The following SMG9 variants were observed in gnomAD, a reference collection of about 807,000 sequenced individuals.
The protein encoded by SMG9 is nonsense-mediated mRNA decay factor SMG9.
SMG9 carries 55 observed loss-of-function variants against 64.0 expected under a neutral mutation model. The observed-to-expected ratio is 0.86, with a 90% CI of 0.69 to 1.08. SMG9 has a LOEUF of 1.08. Ranked by LOEUF, SMG9 falls within the 50% of genes least tolerant of loss-of-function variation. SMG9 has a pLI of 0.00. For synonymous variants in SMG9, 244 were observed against 254.8 expected, an observed-to-expected ratio of 0.96 and a Z score of 0.41; for missense variants, 554 against 681.3, an observed-to-expected ratio of 0.81 and a Z score of 2.08.
intron 1 of SMG9, among the ~76,000 whole-genome samples, chr19:43,751,883 G>A (rs908059056): frequency 2.0e-5 from 3 of 152,208 alleles, no homozygotes; most frequent in African/African-American, 7.2e-5. Context: ...TCTCTTACTT[G>A]CAGCCAAAAC....
chr19:43,754,045 G>A (rs1328986249), intron 1 of SMG9, among the ~76,000 whole-genome samples: 2 of 152,096 alleles, frequency 1.3e-5, no homozygotes, highest in South Asian at 2.1e-4. Flanking sequence ...TGGACTTCTA[G>A]GGTGACTTCC....
intron 10 of SMG9, 68 bp downstream of exon 10, chr19:43,734,321 G>T: frequency 8.0e-7 from 1 of 1,250,594 alleles, no homozygotes; most frequent in Non-Finnish European, 1.1e-6. Context: ...CTTCTCCAGC[G>T]TGCTCCTGAC....
At chr19:43,748,309 G>A (rs149862469) in intron 2 of SMG9, among the ~76,000 whole-genome samples, 1 of 152,250 alleles carries the variant, frequency 6.6e-6, no homozygotes, top group African/African-American at 2.4e-5. Context: ...CTGCTCAGCT[G>A]CCTCTGCGAG....
chr19:43,744,685 A>C (rs559966927), intron 6 of SMG9, 87 bp downstream of exon 6: 3 of 893,914 alleles, frequency 3.4e-6, no homozygotes, highest in African/African-American at 3.4e-5. Context: ...TCCTTTGGTA[A>C]CACCACTTGA....
At chr19:43,740,348 G>T in intron 6 of SMG9, 130 bp from the exon 7 acceptor site, 1 of 716,532 alleles carries the variant, frequency 1.4e-6, no homozygotes, top group African/African-American at 1.8e-5. Flanking sequence ...TTTCATCTGT[G>T]GCCCATGTCA....
At position 43,731,584 on chromosome 19, in the gene SMG9, C is replaced by T. The variant is rs1968486286; in HGVS notation, c.*12G>A. On this transcript the variant is annotated 3_prime_UTR_variant, in exon 14 of 14. Coordinates refer to ENST00000270066, the MANE Select transcript of SMG9 (RefSeq NM_019108.4). ...CCAGGAGGTCCCCTGCATGACATTC[C>T]TCTCCTTGGCCTCAGGCCAGCAGGC... 1 of 1,614,220 alleles carries T rather than the reference C, an allele frequency of 6.2e-7. No homozygotes were observed. Among genetic ancestry groups the T allele is most frequent in the Non-Finnish European group, 8.5e-7 (1 of 1,180,028 alleles).
chr19:43,728,898 AATG>A lies in SMG9; in HGVS notation c.*2695_*2697del, dbSNP rs1968384435. The A allele has an allele frequency of 2.7e-6, 2 of 740,566 alleles. No individual in the cohort carries two copies. Among genetic ancestry groups the A allele is most frequent in the African/African-American group, 1.9e-5 (1 of 52,558 alleles). The allele number at this position is 740,566 out of a possible 1,614,324, so 45.9% of individuals were successfully genotyped here. On this transcript the variant is annotated 3_prime_UTR_variant, in exon 14 of 14. Transcript: ENST00000270066. ...AAAAGCGTGAGTTCCACCTGCTGGG[AATG>A]ATGAAGGGACTGGAGAGCCACAAGC...
Position 43,740,034 on chromosome 19 carries a change from G to A in SMG9, c.813+73C>T, listed in dbSNP as rs1308883869. On this transcript the variant is annotated intron_variant, in intron 7 of 13. Transcript: ENST00000270066. ...CACATGGAATCCACGCAGGGTTCTG[G>A]CTTAATCACATTCCAGGAAGAGGCT... 2.8e-6 allele frequency: 3 copies of A among 1,084,048 alleles called. No individual in the cohort carries two copies. In the Admixed American group the frequency reaches 5.1e-5, roughly 18 times the overall value. The allele number at this position is 1,084,048 out of a possible 1,614,324, so 67.2% of individuals were successfully genotyped here. A position where few individuals can be genotyped will look rare whatever the true frequency, so the allele number is the denominator to read the frequency against.
At chr19:43,753,424 T>G (rs559889096) in intron 1 of SMG9, among the ~76,000 whole-genome samples, 10 of 152,060 alleles carry the variant, frequency 6.6e-5, no homozygotes, top group Admixed American at 3.3e-4. Flanking sequence ...TGCCCTTTCC[T>G]GTGCAAAGTA....
chr19:43,733,519 A>G, intron 11 of SMG9, 67 bp from the exon 12 acceptor site: 1 of 1,610,784 alleles, frequency 6.2e-7, no homozygotes, highest in Non-Finnish European at 8.5e-7. Flanking sequence ...AATTGTTGAC[A>G]GTCAAAGCAG....
At chr19:43,746,750 T>G in intron 5 of SMG9, among the ~76,000 whole-genome samples, 1 of 137,484 alleles carries the variant, frequency 7.3e-6, no homozygotes, top group Non-Finnish European at 1.6e-5. Flanking sequence ...GGTGGTGGGA[T>G]GGATGGGGGT....
Position 43,731,167 on chromosome 19 carries a change from T to A in SMG9, c.*429A>T. On this transcript the variant is annotated 3_prime_UTR_variant, in exon 14 of 14. Transcript: ENST00000270066. ...ATAAGAACAGGCTTGCATGACTGTG[T>A]TTATTTGAACCACCAGATCTGTTCC... 7 of 995,252 alleles carry A rather than the reference T, an allele frequency of 7.0e-6. No individual in the cohort carries two copies. The highest frequency in any genetic ancestry group is 8.4e-6 in the Non-Finnish European group (7 of 836,376). 61.7% of individuals were successfully genotyped at this position (995,252 alleles called of 1,614,324 possible). A position where few individuals can be genotyped will look rare whatever the true frequency, so the allele number is the denominator to read the frequency against.
At chr19:43,750,062 T>C (rs1599659870) in intron 2 of SMG9, 1 of 480,650 alleles carries the variant, frequency 2.1e-6, no homozygotes, top group East Asian at 5.7e-5. Flanking sequence ...TAACAGTTGT[T>C]GTTATTATGA....
chr19:43,744,737 A>T, intron 6 of SMG9, 35 bp downstream of exon 6: 1 of 1,519,552 alleles, frequency 6.6e-7, no homozygotes, highest in Non-Finnish European at 9.0e-7. Flanking sequence ...GTGGGTGCCC[A>T]CCTCCCTCCT....
In SMG9 at chr19:43,731,694, C is replaced by A; in HGVS notation, c.1485-20G>T. 1 of 1,614,172 alleles carries A rather than the reference C, an allele frequency of 6.2e-7. No homozygotes were observed. Among genetic ancestry groups the A allele is most frequent in the Non-Finnish European group, 8.5e-7 (1 of 1,180,016 alleles). On this transcript the variant is annotated intron_variant, in intron 13 of 13. Coordinates refer to ENST00000270066, the MANE Select transcript of SMG9 (RefSeq NM_019108.4). ...TGGAACCTGTGAGGAGGCCAACAGT[C>A]AGGGCTGCCTGGCCGGGGCTCCCCC... is the stretch of plus-strand genomic sequence containing the variant.
Position 43,754,724 on chromosome 19 carries a change from GGGA to G in SMG9, c.-80_-78del, listed in dbSNP as rs1869411841. 6.6e-6 allele frequency: 1 copy of G among 152,184 alleles called. No homozygotes were observed. The highest frequency in any genetic ancestry group is 2.1e-4 in the South Asian group (1 of 4,832). The allele number at this position is 152,184 out of a possible 1,614,324, so 9.4% of individuals were successfully genotyped here. ...CCGTGACGGGAGTCGGGTGGGGGCGGGGAGGCTGACCCAAGCCACCCGCCTGCA... is the reference window on the plus strand; with the variant it reads ...CCGTGACGGGAGTCGGGTGGGGGCGGGGCTGACCCAAGCCACCCGCCTGCA... On this transcript the variant is annotated 5_prime_UTR_variant, in exon 1 of 14. Transcript: ENST00000270066.
intron 6 of SMG9, among the ~76,000 whole-genome samples, chr19:43,743,837 G>C (rs1437129146): frequency 6.6e-6 from 1 of 152,072 alleles, no homozygotes; most frequent in African/African-American, 2.4e-5. Flanking sequence ...TACTGTTAAG[G>C]GATTAATGGA....
At position 43,731,643 on chromosome 19, in the gene SMG9, C is replaced by T. The variant is rs1486493358; in HGVS notation, c.1516G>A (p.Val506Met). 1 of 1,614,264 alleles carries T rather than the reference C, an allele frequency of 6.2e-7. No individual in the cohort carries two copies. Among genetic ancestry groups the T allele is most frequent in the Admixed American group, 1.7e-5 (1 of 60,030 alleles). Residue 506 changes from valine to methionine, a missense_variant, in exon 14 of 14, where the codon GTG becomes ATG. Physicochemically the swap from Val to Met is conservative, Grantham distance 21. Transcript: ENST00000270066. ...TCTGCCAGAGCAGAGGACTTTCTCA[C>T]CCCATCCCAGATCCGGGCAGCGTAG... ...FHYAARIWDGVRKSSALAEYS... is the reference protein window; with the variant it reads ...FHYAARIWDGMRKSSALAEYS...
chr19:43,747,494 T>A lies in SMG9; in HGVS notation c.536A>T (p.His179Leu), dbSNP rs771319545. The A allele has an allele frequency of 1.2e-6, 2 of 1,614,188 alleles. No individual in the cohort carries two copies. The highest frequency in any genetic ancestry group is 3.3e-5 in the Admixed American group (2 of 60,030). ...AKLLPPERMK[H>L]SIKLVDDQMN... The stretch of plus-strand genomic sequence containing the variant: ...CTGGTCATCCACCAACTTGATGCTG[T>A]GCTTCATGCGCTCTGGGGGCAGTAG... Residue 179 changes from histidine to leucine, a missense_variant, in exon 5 of 14, where the codon CAC (histidine) becomes CTC (leucine). Transcript: ENST00000270066.
Sources: allele counts gnomAD v4.1 joint callset (sites outside exome capture counted in the v4.1 genomes callset), GRCh38; gene constraint gnomAD v4.1.1; transcripts MANE v1.5; gene names NCBI Gene and HGNC (gene_info 2026-07-23, HGNC 2026-07-21).